SEC14L1: variants seen among roughly 807,000 people sequenced by gnomAD.
SEC14L1 encodes SEC14 like lipid binding 1.
SEC14L1 carries 48 observed loss-of-function variants against 85.3 expected under a neutral mutation model. The observed-to-expected ratio is 0.56, with a 90% confidence interval of 0.45 to 0.72. SEC14L1 has a LOEUF of 0.72. SEC14L1 is among the 30% of genes least tolerant of loss of function. SEC14L1 has a pLI of 0.00. For synonymous variants in SEC14L1, 391 were observed against 355.5 expected (o/e 1.10, Z -1.12); for missense variants, 682 against 921.4 (o/e 0.74, Z 3.36).
At position 77,206,509 on chromosome 17, in the gene SEC14L1, A is replaced by C. The variant is rs1451145307; in HGVS notation, c.1341+109A>C. 7.4e-6 allele frequency: 10 copies of C among 1,357,656 alleles called. No individual in the cohort carries two copies. The highest frequency in any genetic ancestry group is 2.4e-5 in the East Asian group (1 of 42,368). 84.1% of individuals were successfully genotyped at this position (1,357,656 alleles called of 1,614,324 possible). A position where few individuals can be genotyped will look rare whatever the true frequency, so the allele number is the denominator to read the frequency against. On this transcript the variant is annotated intron_variant, in intron 12 of 16. Transcript: ENST00000436233. The surrounding 1 kb of genome is among the most constrained non-coding windows in gnomAD (Gnocchi z 4.3). The stretch of plus-strand genomic sequence containing the variant: ...AAGTCTTAACTTCTTAGGAAAAAAA[A>C]CAATAACATGCAAAGATATAAAATT...
At chr17:77,202,872 TC>T (rs1976229828) in intron 9 of SEC14L1, among the ~76,000 whole-genome samples, 1 of 150,864 alleles carries the variant, frequency 6.6e-6, no homozygotes, top group Non-Finnish European at 1.5e-5. Context: ...TGAGCTGAGA[TC>T]GTGCCACTGC....
intron 3 of SEC14L1, among the ~76,000 whole-genome samples, chr17:77,151,884 CT>C (rs1250212650): frequency 5.3e-5 from 8 of 152,186 alleles, no homozygotes; most frequent in African/African-American, 1.9e-4. Context: ...GTTGTACCCA[CT>C]TTTTTCTTTC....
At chr17:77,188,539 C>T (rs1975376266) in intron 3 of SEC14L1, among the ~76,000 whole-genome samples, 1 of 151,954 alleles carries the variant, frequency 6.6e-6, no homozygotes, top group Non-Finnish European at 1.5e-5. Flanking sequence ...GTCCATTTAG[C>T]CTCACTCAGG....
At chr17:77,100,931 A>G (rs1022014644) in intron 3 of SEC14L1, among the ~76,000 whole-genome samples, 1 of 152,154 alleles carries the variant, frequency 6.6e-6, no homozygotes, top group African/African-American at 2.4e-5. Flanking sequence ...TAGTAGTCCA[A>G]TTCATAAGTT....
At position 77,206,998 on chromosome 17, in the gene SEC14L1, A is replaced by G. The variant is rs1598400919; in HGVS notation, c.1476+136A>G. The G allele has an allele frequency of 1.0e-5, 9 of 888,410 alleles. No homozygotes were observed. Among genetic ancestry groups the G allele is most frequent in the Admixed American group, 6.3e-5 (2 of 31,818 alleles). The allele number at this position is 888,410 out of a possible 1,614,324, so 55.0% of individuals were successfully genotyped here. A position where few individuals can be genotyped will look rare whatever the true frequency, so the allele number is the denominator to read the frequency against. The stretch of plus-strand genomic sequence containing the variant: ...TTTTGTTTTGTTTCTTTTGGCCGCC[A>G]TTTCTCTGATCCAGGGTTAAGCTAA... On this transcript the variant is annotated intron_variant, in intron 13 of 16. Transcript: ENST00000436233. This position sits in a 1 kb window ranked among gnomAD's most constrained non-coding sequence, Gnocchi z 4.3.
rs1973337164 is a variant in SEC14L1 at position 77,146,923 on chromosome 17, AAACT to A, written c.63+3268_63+3271del. On this transcript the variant is annotated intron_variant, in intron 3 of 16. Transcript: ENST00000436233. The stretch of plus-strand genomic sequence containing the variant: ...GCTTAATTTTTTTTGTCATTGAGGA[AAACT>A]AACAGTAAAATGAGTTAACCTGAAA... Among the ~76,000 whole-genome samples the A allele has an allele frequency of 3.3e-5, 5 of 152,348 alleles. 1 individual carries two copies. Among genetic ancestry groups the A allele is most frequent in the African/African-American group, 1.2e-4 (5 of 41,578 alleles).
chr17:77,089,240 A>G (rs11868249), exon 2 of SEC14L1: 55,799 of 353,326 alleles, frequency 0.16, 4,977 homozygotes, highest in East Asian at 0.31. Context: ...CGTTGATGAG[A>G]GCATTCGAAG....
Position 77,158,798 on chromosome 17 carries a change from C to CTTTTTTTTTTTTTTTTTTTTTTTTT in SEC14L1, c.63+15148_63+15172dup, listed in dbSNP as rs34186028. On this transcript the variant is annotated intron_variant, in intron 3 of 16. Transcript: ENST00000436233. ...CAATTACATTTTATAGCTTTCTTTC[C>CTTTTTTTTTTTTTTTTTTTTTTTTT]TTTTTTTTTTTTTTTTTTTTTTTTT... 2.0e-4 allele frequency among the ~76,000 whole-genome samples: 8 copies of CTTTTTTTTTTTTTTTTTTTTTTTTT among 39,188 alleles called. 3 individuals carry two copies. Among genetic ancestry groups the CTTTTTTTTTTTTTTTTTTTTTTTTT allele is most frequent in the Non-Finnish European group, 2.2e-4 (5 of 22,436 alleles). 25.7% of individuals were successfully genotyped at this position (39,188 alleles called of 152,430 possible). A position where few individuals can be genotyped will look rare whatever the true frequency, so the allele number is the denominator to read the frequency against.
intron 3 of SEC14L1, among the ~76,000 whole-genome samples, chr17:77,134,439 C>A (rs1972725555): frequency 1.3e-5 from 2 of 151,918 alleles, no homozygotes; most frequent in Non-Finnish European, 2.9e-5. Context: ...TTGTTGAGGC[C>A]GGGTGCGGTG....
intron 9 of SEC14L1, 116 bp downstream of exon 9, chr17:77,200,789 C>T: frequency 1.0e-6 from 1 of 960,786 alleles, no homozygotes; most frequent in Non-Finnish European, 1.6e-6. Context: ...CATCGTTTCT[C>T]CTCACTCTGA....
intron 3 of SEC14L1, among the ~76,000 whole-genome samples, chr17:77,096,823 TTTTTG>T (rs1304185936): frequency 6.6e-6 from 1 of 152,144 alleles, no homozygotes; most frequent in Non-Finnish European, 1.5e-5. Flanking sequence ...TTTTGGGGTT[TTTTTG>T]TTTTGTTTTG....
chr17:77,162,171 G>A (rs1183496896), intron 3 of SEC14L1, among the ~76,000 whole-genome samples: 1 of 151,736 alleles, frequency 6.6e-6, no homozygotes, highest in East Asian at 1.9e-4. Context: ...GCGGGGGAGG[G>A]ACCGGCTCTC....
Position 77,213,290 on chromosome 17 carries a change from C to T in SEC14L1, c.1864-24C>T. 1 of 1,580,972 alleles carries T rather than the reference C, an allele frequency of 6.3e-7. No individual in the cohort carries two copies. Among genetic ancestry groups the T allele is most frequent in the Non-Finnish European group, 8.6e-7 (1 of 1,162,966 alleles). ...GGGGTCGGAAGCGAGTCGCCCTCAGCTGCCACTGCCCTACTTGTTCTAGGG... is the reference window on the plus strand; with the variant it reads ...GGGGTCGGAAGCGAGTCGCCCTCAGTTGCCACTGCCCTACTTGTTCTAGGG... On this transcript the variant is annotated intron_variant, in intron 15 of 16. Coordinates refer to ENST00000436233, the MANE Select transcript of SEC14L1 (RefSeq NM_001143998.2). This position sits in a 1 kb window ranked among gnomAD's most constrained non-coding sequence, Gnocchi z 7.1.
At position 77,156,116 on chromosome 17, in the gene SEC14L1, G is replaced by A. The variant is rs150477723; in HGVS notation, c.63+12457G>A. The stretch of plus-strand genomic sequence containing the variant: ...ACCTTTCCTGCTTTCTCACCTGGCT[G>A]ACTCTAGCTGGCTGCATGCAGTTGC... On this transcript the variant is annotated intron_variant, in intron 3 of 16. Transcript: ENST00000436233. Among the ~76,000 whole-genome samples the A allele has an allele frequency of 6.9e-3, 1,044 of 152,258 alleles. 8 individuals are homozygous for A. Among genetic ancestry groups the A allele is most frequent in the African/African-American group, 0.024 (987 of 41,530 alleles).
At position 77,214,833 on chromosome 17, in the gene SEC14L1, A is replaced by G. The variant is rs1385530023; in HGVS notation, c.*810A>G. ...CCCCTCTCACCTGCAGTCAGCTCCCAGCCCAGTGTAGGCCATCTCCTCTGT... is the reference window on the plus strand; with the variant it reads ...CCCCTCTCACCTGCAGTCAGCTCCCGGCCCAGTGTAGGCCATCTCCTCTGT... On this transcript the variant is annotated 3_prime_UTR_variant, in exon 17 of 17. Transcript: ENST00000436233. The G allele has an allele frequency of 3.0e-6, 3 of 985,396 alleles. No homozygotes were observed. In the East Asian group the frequency reaches 3.4e-4, roughly 112 times the overall value. The allele number at this position is 985,396 out of a possible 1,614,324, so 61.0% of individuals were successfully genotyped here. A position where few individuals can be genotyped will look rare whatever the true frequency, so the allele number is the denominator to read the frequency against.
Position 77,190,909 on chromosome 17 carries a change from G to T in SEC14L1, c.170G>T (p.Arg57Met), listed in dbSNP as rs747406443. ...SEDGAIHVIERRCKLDVDAPR... is the reference protein window; with the variant it reads ...SEDGAIHVIEMRCKLDVDAPR... ...GATGGGGCTATTCATGTCATTGAAA[G>T]GCGCTGCAAGCTGGATGTAGATGCA... Residue 57 changes from arginine to methionine, a missense_variant, in exon 4 of 17, where the codon AGG (arginine) becomes ATG (methionine). By Grantham distance (91) the Arg-to-Met change is moderately conservative. Coordinates refer to ENST00000436233, the MANE Select transcript of SEC14L1 (RefSeq NM_001143998.2). The T allele has an allele frequency of 6.2e-7, 1 of 1,614,222 alleles. No homozygotes were observed. The highest frequency in any genetic ancestry group is 1.1e-5 in the South Asian group (1 of 91,086).
chr17:77,160,356 A>C (rs1191715369), intron 3 of SEC14L1, among the ~76,000 whole-genome samples: 1 of 152,234 alleles, frequency 6.6e-6, no homozygotes, highest in Non-Finnish European at 1.5e-5. Flanking sequence ...GAATATGCAC[A>C]CTGCTATTTT....
exon 1 of SEC14L1, chr17:77,088,759 C>T (rs1268855499): frequency 6.8e-6 from 1 of 146,948 alleles, no homozygotes; most frequent in South Asian, 2.2e-4. Context: ...ACTCGCAGTC[C>T]GCAGGATGAC....
chr17:77,205,293 A>G lies in SEC14L1; in HGVS notation c.1116A>G (p.Glu372=), dbSNP rs1207964373. 3 of 1,614,078 alleles carry G rather than the reference A, an allele frequency of 1.9e-6. No homozygotes were observed. In the South Asian group the frequency reaches 3.3e-5, roughly 18 times the overall value. ...GTATGTAGGTTCTCTCCATAAATGA[A>G]GAAGGGCTAAGGCGATGCGAAGAGA... ...ALLRYVLSIN[E]EGLRRCEENT... Residue 372 remains glutamate, a synonymous_variant, in exon 11 of 17, where the codon GAA becomes GAG. Coordinates refer to ENST00000436233, the MANE Select transcript of SEC14L1 (RefSeq NM_001143998.2).
Sources: allele counts gnomAD v4.1 joint callset (sites outside exome capture counted in the v4.1 genomes callset), GRCh38; gene constraint gnomAD v4.1.1; non-coding constraint Gnocchi (gnomAD v3.1); transcripts MANE v1.5; gene names NCBI Gene and HGNC (gene_info 2026-07-23, HGNC 2026-07-21).